The following NCAPG2 variants were observed in gnomAD, a reference collection of about 807,000 sequenced individuals.
The protein encoded by NCAPG2 is condensin-2 complex subunit G2.
A neutral mutation model predicts 141.1 loss-of-function variants in NCAPG2; 53 were observed. The observed-to-expected ratio is 0.38, with a 90% CI of 0.30 to 0.47. The LOEUF is 0.47. Ranked by LOEUF, NCAPG2 falls within the 20% of genes least tolerant of loss-of-function variation. The pLI, the probability that NCAPG2 is intolerant of heterozygous loss-of-function variation, is 0.99. For missense variants in NCAPG2, 1,087 were observed against 1,389.0 expected (o/e 0.78, Z 3.46); for synonymous variants, 499 against 490.7 (o/e 1.02, Z -0.22).
intron 10 of NCAPG2, among the ~76,000 whole-genome samples, 153 bp from the exon 11 acceptor site, chr7:158,680,238 C>T (rs973513423): frequency 5.3e-5 from 8 of 152,170 alleles, no homozygotes; most frequent in Non-Finnish European, 2.9e-5. Context: ...CCAAACATTG[C>T]TCAGTTCAAT....
chr7:158,690,927 T>C (rs984887797), intron 4 of NCAPG2, among the ~76,000 whole-genome samples: 5 of 152,308 alleles, frequency 3.3e-5, no homozygotes, highest in Admixed American at 1.3e-4. Context: ...ACGATTGTTA[T>C]AAAAAGACCC....
chr7:158,689,868 T>C lies in NCAPG2; in HGVS notation c.623A>G (p.Asp208Gly). ...ATTTATGAAGCACTCAAGTAACATATCTTTAATTTCTCCACTTTCCTCCAA... is the reference window on the plus strand; with the variant it reads ...ATTTATGAAGCACTCAAGTAACATACCTTTAATTTCTCCACTTTCCTCCAA... ...YDLEESGEIK[D>G]MLLECFININ... Residue 208 changes from aspartate to glycine, a missense_variant, in exon 6 of 28, where the codon GAT becomes GGT. Asp to Gly is a moderately conservative substitution (Grantham distance 94, BLOSUM62 -1). Coordinates refer to ENST00000356309, the MANE Select transcript of NCAPG2 (RefSeq NM_017760.7). 1 of 1,598,990 alleles carries C rather than the reference T, an allele frequency of 6.3e-7. No individual in the cohort carries two copies. Among genetic ancestry groups the C allele is most frequent in the Non-Finnish European group, 8.6e-7 (1 of 1,169,250 alleles).
chr7:158,674,133 C>A (rs1264617203), intron 12 of NCAPG2, among the ~76,000 whole-genome samples: 1 of 152,138 alleles, frequency 6.6e-6, no homozygotes, highest in African/African-American at 2.4e-5. Flanking sequence ...TGTCTGATCA[C>A]TCAACAAACA....
intron 11 of NCAPG2, among the ~76,000 whole-genome samples, chr7:158,676,209 T>C (rs918655549): frequency 3.3e-5 from 5 of 152,112 alleles, no homozygotes; most frequent in African/African-American, 1.2e-4. Flanking sequence ...TAACTACCAA[T>C]TTATAGGAAA....
At chr7:158,662,668 A>G (rs1309652259) in intron 15 of NCAPG2, among the ~76,000 whole-genome samples, 1 of 152,232 alleles carries the variant, frequency 6.6e-6, no homozygotes, top group Non-Finnish European at 1.5e-5. Context: ...ACCCTATTAA[A>G]AAACATGCCT....
At chr7:158,702,125 G>A in intron 1 of NCAPG2, 187 bp from the exon 2 acceptor site, 1 of 446,424 alleles carries the variant, frequency 2.2e-6, no homozygotes, top group Non-Finnish European at 3.9e-6. Flanking sequence ...TTCCTTTACT[G>A]GGGATGTGAA....
intron 12 of NCAPG2, among the ~76,000 whole-genome samples, chr7:158,672,005 TGGTCTCCAAA>T: frequency 6.6e-6 from 1 of 152,216 alleles, no homozygotes; most frequent in East Asian, 1.9e-4. Context: ...ACTGGTCACA[TGGTCTCCAAA>T]GGCACCAAGT....
chr7:158,678,193 A>G (rs1326882128), intron 11 of NCAPG2, among the ~76,000 whole-genome samples: 1 of 152,172 alleles, frequency 6.6e-6, no homozygotes, highest in Admixed American at 6.5e-5. Context: ...GTTAAGGTAC[A>G]CAGAGGATAC....
rs146548546 is a variant in NCAPG2 at position 158,649,718 on chromosome 7, T to G, written c.3075+1114A>C. Among the ~76,000 whole-genome samples, 1,385 of 152,350 alleles carry G rather than the reference T, an allele frequency of 9.1e-3. 21 individuals carry two copies. Among genetic ancestry groups the G allele is most frequent in the African/African-American group, 0.031 (1,297 of 41,578 alleles). ...TAGTCATGATTTTATATTACAAAATTTATGATTCACGTAAATATTAAAAAT... is the reference window on the plus strand; with the variant it reads ...TAGTCATGATTTTATATTACAAAATGTATGATTCACGTAAATATTAAAAAT... On this transcript the variant is annotated intron_variant, in intron 24 of 27. Coordinates refer to ENST00000356309, the MANE Select transcript of NCAPG2 (RefSeq NM_017760.7).
At chr7:158,636,884 C>T (rs1046053026) in intron 27 of NCAPG2, among the ~76,000 whole-genome samples, 1 of 152,166 alleles carries the variant, frequency 6.6e-6, no homozygotes, top group African/African-American at 2.4e-5. Context: ...CTGTCATCCC[C>T]AAATCAGACC....
At chr7:158,653,013 T>C (rs1172262541) in intron 22 of NCAPG2, among the ~76,000 whole-genome samples, 2 of 152,198 alleles carry the variant, frequency 1.3e-5, no homozygotes, top group African/African-American at 2.4e-5. Flanking sequence ...TAAATAATTT[T>C]GACTGTTGCA....
At chr7:158,639,826 T>C (rs577660013) in intron 27 of NCAPG2, 4 of 973,846 alleles carry the variant, frequency 4.1e-6, no homozygotes, top group South Asian at 4.8e-5. Context: ...TTTAATCTTA[T>C]TTCAAACCTA....
In NCAPG2 at chr7:158,631,306, A is replaced by G. The variant is rs917449622; in HGVS notation, c.*360T>C. 1 of 242,858 alleles carries G rather than the reference A, an allele frequency of 4.1e-6. No homozygotes were observed. Among genetic ancestry groups the G allele is most frequent in the Non-Finnish European group, 7.8e-6 (1 of 128,222 alleles). The allele number at this position is 242,858 out of a possible 1,614,324, so 15.0% of individuals were successfully genotyped here. ...GGGCCCCTAATACTTTCAAATAAAC[A>G]AATGGATGTTGTCATTGCTTTATTA... On this transcript the variant is annotated 3_prime_UTR_variant, in exon 28 of 28. Transcript: ENST00000356309.
rs757157011 is a variant in NCAPG2, at chr7:158,664,295, T to G, written c.1704A>C (p.Ala568=). 2 of 1,609,074 alleles carry G rather than the reference T, an allele frequency of 1.2e-6. No homozygotes were observed. Among genetic ancestry groups the G allele is most frequent in the East Asian group, 2.2e-5 (1 of 44,860 alleles). Residue 568 remains alanine (A), a splice_region_variant and synonymous_variant, in exon 15 of 28, where the codon GCA becomes GCC. Coordinates refer to ENST00000356309, the MANE Select transcript of NCAPG2 (RefSeq NM_017760.7). ...AATGACGAATAACGTGAATCAGCTT[T>G]GCTGAAATGTTTAGGATAAACAAGA... ...AHEHTACTNI[A]KLIHVIRHCL...
intron 13 of NCAPG2, chr7:158,665,373 T>C (rs1832840937): frequency 6.6e-6 from 1 of 152,366 alleles, no homozygotes; most frequent in Non-Finnish European, 1.5e-5. Context: ...GCATTCGAAC[T>C]ACCTACAGAA....
At chr7:158,659,984 C>T (rs1371165910) in intron 16 of NCAPG2, among the ~76,000 whole-genome samples, 3 of 151,818 alleles carry the variant, frequency 2.0e-5, no homozygotes, top group Admixed American at 6.6e-5. Flanking sequence ...TGGTGGCAGG[C>T]GCCTGTAGTC....
intron 17 of NCAPG2, among the ~76,000 whole-genome samples, chr7:158,657,979 C>A (rs1329598741): frequency 4.6e-5 from 7 of 151,918 alleles, no homozygotes; most frequent in South Asian, 2.1e-4. Context: ...GTCATCACCA[C>A]TCCCTAATCT....
In NCAPG2 at chr7:158,631,522, C is replaced by T; in HGVS notation, c.*144G>A. Reference sequence around the variant, plus strand: ...GTTTTGAGTTATCTCCTCCATAACCCCCACCTTCCCACATTCCCACAAAAA... The same window carrying T: ...GTTTTGAGTTATCTCCTCCATAACCTCCACCTTCCCACATTCCCACAAAAA... On this transcript the variant is annotated 3_prime_UTR_variant, in exon 28 of 28. Transcript: ENST00000356309. 1.2e-6 allele frequency: 1 copy of T among 803,842 alleles called. No individual in the cohort carries two copies. Among genetic ancestry groups the T allele is most frequent in the Non-Finnish European group, 2.1e-6 (1 of 474,054 alleles). The allele number at this position is 803,842 out of a possible 1,614,324, so 49.8% of individuals were successfully genotyped here. A position where few individuals can be genotyped will look rare whatever the true frequency, so the allele number is the denominator to read the frequency against.
intron 27 of NCAPG2, among the ~76,000 whole-genome samples, chr7:158,635,126 A>T (rs1042420453): frequency 1.3e-5 from 2 of 152,234 alleles, no homozygotes; most frequent in African/African-American, 2.4e-5. Context: ...TAAGATAAAA[A>T]GACAGTGTCT....
Sources: gnomAD v4.1 joint callset for allele counts (sites outside exome capture counted in the v4.1 genomes callset) on GRCh38, gnomAD v4.1.1 for gene constraint, MANE v1.5 for transcripts, NCBI Gene and HGNC (gene_info 2026-07-23, HGNC 2026-07-21) for gene names.